NCAM2: variants seen among roughly 807,000 people sequenced by gnomAD.
NCAM2 encodes neural cell adhesion molecule 2.
Under a neutral mutation model 98.1 loss-of-function variants are expected in NCAM2, and 30 were observed. The observed-to-expected ratio is 0.31, with a 90% CI of 0.23 to 0.41. The LOEUF (loss-of-function observed/expected upper bound fraction) is 0.41, where lower values mean the gene tolerates loss of function less well. Among genes scored for constraint, NCAM2 ranks in the 10% least tolerant of loss-of-function variants. The pLI is 1.00. For synonymous variants in NCAM2, 368 were observed against 342.4 expected (o/e 1.07, Z -0.83); for missense variants, 867 against 1,005.8 (o/e 0.86, Z 1.87).
intron 5 of NCAM2, among the ~76,000 whole-genome samples, chr21:21,317,731 C>A (rs2074261169): frequency 6.6e-6 from 1 of 151,900 alleles, no homozygotes; most frequent in South Asian, 2.1e-4. Context: ...GACAGGCTCT[C>A]ATTATGTTTC....
chr21:21,473,168 C>T (rs964267316), intron 14 of NCAM2, among the ~76,000 whole-genome samples: 5 of 151,078 alleles, frequency 3.3e-5, no homozygotes, highest in Non-Finnish European at 5.9e-5. Flanking sequence ...TGTGCCTCTA[C>T]CCAGGACAGC....
intron 15 of NCAM2, among the ~76,000 whole-genome samples, chr21:21,497,496 A>G (rs1987325640): frequency 1.3e-5 from 2 of 152,128 alleles, no homozygotes; most frequent in South Asian, 2.1e-4. Flanking sequence ...AAGCAAATAA[A>G]AGGATATGGT....
chr21:21,308,594 T>C (rs573127261), intron 5 of NCAM2, among the ~76,000 whole-genome samples: 2 of 152,164 alleles, frequency 1.3e-5, no homozygotes, highest in South Asian at 4.1e-4. Flanking sequence ...CATTATACCT[T>C]GGTGAAGCTT....
At chr21:21,306,836 C>G (rs2073894081) in intron 5 of NCAM2, among the ~76,000 whole-genome samples, 6 of 152,038 alleles carry the variant, frequency 3.9e-5, no homozygotes, top group Admixed American at 3.9e-4. Flanking sequence ...ACCTCCTCCC[C>G]CAACCCCCTA....
At chr21:21,107,217 A>G (rs1394789983) in intron 1 of NCAM2, among the ~76,000 whole-genome samples, 2 of 152,134 alleles carry the variant, frequency 1.3e-5, no homozygotes, top group Non-Finnish European at 2.9e-5. Context: ...CATTATCACA[A>G]CATGGAGTAG....
intron 10 of NCAM2, 96 bp downstream of exon 10, chr21:21,410,557 A>ATC (rs2076836222): frequency 1.6e-6 from 1 of 606,628 alleles, no homozygotes; most frequent in Non-Finnish European, 2.5e-6. Context: ...ATATATATAT[A>ATC]TAATAAGAGA....
intron 1 of NCAM2, among the ~76,000 whole-genome samples, chr21:21,180,496 A>T (rs1025764205): frequency 2.0e-5 from 3 of 152,122 alleles, no homozygotes; most frequent in Admixed American, 1.3e-4. Context: ...GTGAGATGAG[A>T]TTATAGTCAA....
intron 11 of NCAM2, among the ~76,000 whole-genome samples, chr21:21,423,077 A>G (rs1399539209): frequency 6.8e-6 from 1 of 146,070 alleles, no homozygotes; most frequent in African/African-American, 2.8e-5. Context: ...TTGTTTCATC[A>G]TTGTTATATT....
At chr21:21,326,336 C>A (rs991911796) in intron 6 of NCAM2, among the ~76,000 whole-genome samples, 11 of 152,096 alleles carry the variant, frequency 7.2e-5, no homozygotes, top group Admixed American at 6.6e-4. Flanking sequence ...ATGCAGATTC[C>A]TCATTAGTCC....
chr21:21,514,480 A>AC (rs1988595454), intron 16 of NCAM2, among the ~76,000 whole-genome samples: 2 of 84,618 alleles, frequency 2.4e-5, no homozygotes, highest in African/African-American at 1.1e-4. Context: ...AACAAAAAAA[A>AC]AAAAAAAAAA....
At chr21:21,177,290 T>C (rs1351148025) in intron 1 of NCAM2, among the ~76,000 whole-genome samples, 1 of 152,142 alleles carries the variant, frequency 6.6e-6, no homozygotes, top group Non-Finnish European at 1.5e-5. Flanking sequence ...GTATTTACTA[T>C]AACTACTTTC....
At chr21:21,450,269 A>G (rs1367868493) in intron 12 of NCAM2, among the ~76,000 whole-genome samples, 1 of 151,908 alleles carries the variant, frequency 6.6e-6, no homozygotes, top group African/African-American at 2.4e-5. Flanking sequence ...GTGTGTATAT[A>G]TATACTATTT....
chr21:21,219,662 T>C (rs958613603), intron 1 of NCAM2, among the ~76,000 whole-genome samples: 10 of 152,242 alleles, frequency 6.6e-5, no homozygotes, highest in African/African-American at 2.4e-4. Flanking sequence ...AGATATTTAC[T>C]ACACTATAAT....
intron 1 of NCAM2, among the ~76,000 whole-genome samples, chr21:21,047,729 TG>T (rs1237015546): frequency 6.6e-6 from 1 of 152,200 alleles, no homozygotes; most frequent in Non-Finnish European, 1.5e-5. Context: ...AACTTGCTAA[TG>T]GCCATTTTAC....
intron 5 of NCAM2, among the ~76,000 whole-genome samples, chr21:21,315,920 A>G (rs1348932934): frequency 6.6e-6 from 1 of 152,222 alleles, no homozygotes; most frequent in Non-Finnish European, 1.5e-5. Flanking sequence ...GAATTAATCC[A>G]GAACTGGAAT....
intron 12 of NCAM2, among the ~76,000 whole-genome samples, chr21:21,449,086 A>G (rs1173683234): frequency 2.0e-5 from 3 of 152,106 alleles, no homozygotes; most frequent in Non-Finnish European, 2.9e-5. Flanking sequence ...TTATCTTAAG[A>G]TGAAGACACA....
rs562588880 is a variant in NCAM2 at position 21,316,025 on chromosome 21, G to A, written c.620-8358G>A. Reference sequence around the variant, plus strand: ...ATATATATTAACAAAGTGATTTTCAGATGCTTACTTTTTTATTGATATTTA... The same window carrying A: ...ATATATATTAACAAAGTGATTTTCAAATGCTTACTTTTTTATTGATATTTA... On this transcript the variant is annotated intron_variant, in intron 5 of 17. Coordinates refer to ENST00000400546, the MANE Select transcript of NCAM2 (RefSeq NM_004540.5). Among the ~76,000 whole-genome samples, 14 of 152,206 alleles carry A rather than the reference G, an allele frequency of 9.2e-5. No individual in the cohort carries two copies. In the South Asian group the frequency reaches 2.9e-3, roughly 32 times the overall value.
chr21:21,037,297 AT>A (rs748400131), intron 1 of NCAM2, among the ~76,000 whole-genome samples: 3 of 152,230 alleles, frequency 2.0e-5, no homozygotes, highest in Non-Finnish European at 4.4e-5. Flanking sequence ...GTATCAAAAA[AT>A]ATTCATGTCT....
intron 14 of NCAM2, among the ~76,000 whole-genome samples, chr21:21,475,880 G>C (rs1362434216): frequency 2.0e-5 from 3 of 151,912 alleles, no homozygotes; most frequent in Non-Finnish European, 4.4e-5. Context: ...TATTTCCTTT[G>C]TAATAAAAGT....
Sources: gnomAD v4.1 joint callset for allele counts (sites outside exome capture counted in the v4.1 genomes callset) on GRCh38, gnomAD v4.1.1 for gene constraint, MANE v1.5 for transcripts, NCBI Gene and HGNC (gene_info 2026-07-23, HGNC 2026-07-21) for gene names.